MYO7A: variants seen among roughly 807,000 people sequenced by gnomAD.
MYO7A encodes the protein unconventional myosin-VIIa.
Under a neutral mutation model 263.8 loss-of-function variants are expected in MYO7A, and 210 were observed. The observed-to-expected ratio is 0.80, with a 90% CI of 0.71 to 0.89. The LOEUF (loss-of-function observed/expected upper bound fraction) is 0.89. Ranked by LOEUF, MYO7A falls within the 40% of genes least tolerant of loss-of-function variation. The pLI is 0.00. For missense variants in MYO7A, 2,820 were observed against 2,968.3 expected (o/e 0.95, Z 1.16); for synonymous variants, 1,239 against 1,197.3 (o/e 1.03, Z -0.72).
intron 46 of MYO7A, chr11:77,212,206 C>G (rs1335007266): frequency 3.4e-6 from 2 of 582,234 alleles, no homozygotes; most frequent in East Asian, 7.7e-5. Flanking sequence ...TGTTCTGACA[C>G]TGGGGAGCCC....
At chr11:77,197,415 A>C (rs1956744666) in intron 32 of MYO7A, 66 bp from the exon 33 acceptor site, 1 of 1,270,686 alleles carries the variant, frequency 7.9e-7, no homozygotes, top group Admixed American at 2.1e-5. Flanking sequence ...AGGCAGCAGC[A>C]GCTGATTTTT....
rs1057389620 is a variant in MYO7A at position 77,190,003 on chromosome 11, G to A, written c.3631-17G>A. On this transcript the variant is annotated splice_polypyrimidine_tract_variant and intron_variant, in intron 28 of 48. Transcript: ENST00000409709. ...GGGGAGCCCCAGGGGCCGCCTCAGC[G>A]GGTACTCTGGCTGCAGTACCTGCGG... 2.4e-5 allele frequency: 36 copies of A among 1,523,728 alleles called. No individual in the cohort carries two copies. Among genetic ancestry groups the A allele is most frequent in the Non-Finnish European group, 2.7e-5 (31 of 1,132,238 alleles). The allele number at this position is 1,523,728 out of a possible 1,614,324, so 94.4% of individuals were successfully genotyped here. A position where few individuals can be genotyped will look rare whatever the true frequency, so the allele number is the denominator to read the frequency against.
chr11:77,163,830 C>CA (rs11376235), intron 14 of MYO7A, among the ~76,000 whole-genome samples: 152,300 of 152,300 alleles, frequency 1, 76,150 homozygotes, highest in Non-Finnish European at 1. Flanking sequence ...TGCTAATGGA[C>CA]TTTTGGGGTT....
intron 4 of MYO7A, among the ~76,000 whole-genome samples, chr11:77,149,667 G>A (rs1951832263): frequency 6.6e-6 from 1 of 152,160 alleles, no homozygotes; most frequent in African/African-American, 2.4e-5. Context: ...TCTGACTCTA[G>A]GTCCCTCTGC....
At chr11:77,173,370 A>G (rs1954312800) in intron 16 of MYO7A, among the ~76,000 whole-genome samples, 1 of 152,172 alleles carries the variant, frequency 6.6e-6, no homozygotes, top group Admixed American at 6.5e-5. Flanking sequence ...CCATCTCTTC[A>G]GCTGGTTGGG....
rs1955378405 is a variant in MYO7A at position 77,182,974 on chromosome 11, G to T, written c.3286-94G>T. 2.8e-6 allele frequency: 3 copies of T among 1,089,826 alleles called. No individual in the cohort carries two copies. The South Asian group carries it at 4.0e-5, about 15-fold the overall frequency. The allele number at this position is 1,089,826 out of a possible 1,614,324, so 67.5% of individuals were successfully genotyped here. A position where few individuals can be genotyped will look rare whatever the true frequency, so the allele number is the denominator to read the frequency against. On this transcript the variant is annotated intron_variant, in intron 25 of 48. Coordinates refer to ENST00000409709, the MANE Select transcript of MYO7A (RefSeq NM_000260.4). ...GGGGACACCCTGTAAGCTTCACGTGGAAGCGAGACGGTTCCCCGCAAAGTC... is the reference window on the plus strand; with the variant it reads ...GGGGACACCCTGTAAGCTTCACGTGTAAGCGAGACGGTTCCCCGCAAAGTC...
At chr11:77,148,758 T>A (rs1388338636) in intron 4 of MYO7A, among the ~76,000 whole-genome samples, 1 of 152,222 alleles carries the variant, frequency 6.6e-6, no homozygotes, top group African/African-American at 2.4e-5. Context: ...CCATAATAAA[T>A]CTATTATAAG....
At chr11:77,194,096 G>T in intron 31 of MYO7A, 1 of 666,462 alleles carries the variant, frequency 1.5e-6, no homozygotes, top group Non-Finnish European at 2.8e-6. Context: ...ATGTGCCCCT[G>T]GGCAGAGTCC....
chr11:77,159,410 C>T (rs1565349055), intron 9 of MYO7A, 37 bp from the exon 10 acceptor site: 1 of 1,180,798 alleles, frequency 8.5e-7, no homozygotes. Flanking sequence ...GTTGCCCACC[C>T]TCCCTCCCCT....
intron 32 of MYO7A, among the ~76,000 whole-genome samples, chr11:77,195,878 T>C (rs1233429466): frequency 6.6e-6 from 1 of 152,248 alleles, no homozygotes; most frequent in Non-Finnish European, 1.5e-5. Flanking sequence ...AGCCTGGAGC[T>C]CCGAGATCAA....
chr11:77,162,723 G>A (rs1453060369), intron 13 of MYO7A, 130 bp from the exon 14 acceptor site: 24 of 1,227,208 alleles, frequency 2.0e-5, no homozygotes, highest in Non-Finnish European at 2.5e-5. Flanking sequence ...TCCAGAGAGC[G>A]CCTATGTGAG....
chr11:77,146,112 G>A (rs1445772748), intron 3 of MYO7A, among the ~76,000 whole-genome samples: 3 of 152,234 alleles, frequency 2.0e-5, no homozygotes. Flanking sequence ...GGAGGCTTCA[G>A]AAACTGGGAA....
In MYO7A at chr11:77,202,304, TG is replaced by T; in HGVS notation, c.5050del (p.Val1684SerfsTer3). ...VTMPPREIVA[L>X]VTMTPDQRQD... ...CCCCTGTCTCTTGGTCCCTAGGCCCTGGTCACCATGACTCCCGATCAGAGGC... is the reference window on the plus strand; with the variant it reads ...CCCCTGTCTCTTGGTCCCTAGGCCCTGTCACCATGACTCCCGATCAGAGGC... On this transcript the variant is annotated frameshift_variant, in exon 37 of 49. Coordinates refer to ENST00000409709, the MANE Select transcript of MYO7A (RefSeq NM_000260.4). LOFTEE classifies it high-confidence loss of function. 1 of 1,586,046 alleles carries T rather than the reference TG, an allele frequency of 6.3e-7. No individual in the cohort carries two copies. Among genetic ancestry groups the T allele is most frequent in the Non-Finnish European group, 8.6e-7 (1 of 1,165,338 alleles).
chr11:77,131,549 G>C (rs1950767939), intron 2 of MYO7A, among the ~76,000 whole-genome samples: 1 of 152,242 alleles, frequency 6.6e-6, no homozygotes, highest in Non-Finnish European at 1.5e-5. Flanking sequence ...ACGCCCATTA[G>C]AGATGGGCAG....
chr11:77,144,244 G>T (rs1951412373), intron 3 of MYO7A, among the ~76,000 whole-genome samples: 1 of 152,194 alleles, frequency 6.6e-6, no homozygotes, highest in South Asian at 2.1e-4. Flanking sequence ...TCCAGTTCTA[G>T]GACCCTCTAG....
chr11:77,181,993 G>C lies in MYO7A; in HGVS notation c.2947G>C (p.Asp983His), dbSNP rs781974990. Residue 983 changes from aspartate to histidine, a missense_variant, in exon 24 of 49, where the codon GAT (aspartate) becomes CAT (histidine). Coordinates refer to ENST00000409709, the MANE Select transcript of MYO7A (RefSeq NM_000260.4). ...GAGGGAGATGGTGGAGGAGGACCTG[G>C]ATGCAGCCCTGCCCCTGCCTGACGA... ...GRREMVEEDL[D>H]AALPLPDEDE... The C allele has an allele frequency of 5.6e-6, 9 of 1,613,264 alleles. No homozygotes were observed. Among genetic ancestry groups the C allele is most frequent in the Non-Finnish European group, 7.6e-6 (9 of 1,179,792 alleles).
chr11:77,183,036 C>A (rs1555085923), intron 25 of MYO7A, 32 bp from the exon 26 acceptor site: 1 of 1,535,872 alleles, frequency 6.5e-7, no homozygotes, highest in South Asian at 1.2e-5. Flanking sequence ...TTCTGCTCAG[C>A]CACTTGACCC....
At chr11:77,211,394 C>A in intron 45 of MYO7A, 57 bp downstream of exon 45, 1 of 1,512,338 alleles carries the variant, frequency 6.6e-7, no homozygotes. Flanking sequence ...TCGGGGCACC[C>A]CAGGGGCCAA....
At chr11:77,201,758 T>C in intron 36 of MYO7A, 120 bp downstream of exon 36, 2 of 1,165,524 alleles carry the variant, frequency 1.7e-6, no homozygotes, top group Admixed American at 4.5e-5. Context: ...TCTTGGGATC[T>C]TATGGGACAC....
Sources: gnomAD v4.1 joint callset for allele counts (sites outside exome capture counted in the v4.1 genomes callset) on GRCh38, gnomAD v4.1.1 for gene constraint, MANE v1.5 for transcripts, NCBI Gene and HGNC (gene_info 2026-07-23, HGNC 2026-07-21) for gene names.